Variants in UBR3 observed in about 807,000 individuals in gnomAD.
The protein encoded by UBR3 is ubiquitin protein ligase E3 component n-recognin 3.
UBR3 carries 85 observed loss-of-function variants against 243.2 expected under a neutral mutation model. That is an observed-to-expected ratio of 0.35 (90% CI 0.29 to 0.42). The LOEUF (loss-of-function observed/expected upper bound fraction) is 0.42, where lower values mean the gene tolerates loss of function less well. Ranked by LOEUF, UBR3 falls within the 10% of genes least tolerant of loss-of-function variation. UBR3 has a pLI of 1.00. For synonymous variants in UBR3, 748 were observed against 799.8 expected (o/e 0.94, Z 1.09); for missense variants, 1,686 against 2,300.8 (o/e 0.73, Z 5.47).
intron 38 of UBR3, 48 bp downstream of exon 38, chr2:170,080,732 G>A: frequency 1.9e-6 from 3 of 1,579,574 alleles, no homozygotes; most frequent in Non-Finnish European, 2.6e-6. Flanking sequence ...AATTTGGTCA[G>A]TGAAAACCAA....
intron 1 of UBR3, among the ~76,000 whole-genome samples, chr2:169,856,321 C>T (rs1235597538): frequency 1.3e-5 from 2 of 148,918 alleles, no homozygotes; most frequent in South Asian, 2.2e-4. Flanking sequence ...GGATGATGGC[C>T]GGGAAGAGGC....
chr2:169,889,914 A>T (rs1405289312), intron 5 of UBR3, among the ~76,000 whole-genome samples: 1 of 152,226 alleles, frequency 6.6e-6, no homozygotes, highest in Non-Finnish European at 1.5e-5. Flanking sequence ...TGGAATTTAT[A>T]CTACAGTTCT....
chr2:169,860,406 T>C (rs894476425), intron 1 of UBR3, among the ~76,000 whole-genome samples: 4 of 152,188 alleles, frequency 2.6e-5, no homozygotes, highest in Admixed American at 2.6e-4. Flanking sequence ...TAGTCTCAAG[T>C]GAATTTATCT....
In UBR3 at chr2:169,926,609, CAAAA is replaced by C. The variant is rs1344570845; in HGVS notation, c.2152-78_2152-75del. ...AAAACAAAAAACAAAAAACAAAAAA[CAAAA>C]AAAAGTATAGAAAAACATGATTAAT... On this transcript the variant is annotated intron_variant, in intron 14 of 38. Coordinates refer to ENST00000272793, the MANE Select transcript of UBR3 (RefSeq NM_172070.4). 9 of 898,458 alleles carry C rather than the reference CAAAA, an allele frequency of 1.0e-5. No individual in the cohort carries two copies. The East Asian group carries it at 2.7e-4, about 27-fold the overall frequency. The allele number at this position is 898,458 out of a possible 1,614,324, so 55.7% of individuals were successfully genotyped here.
intron 27 of UBR3, among the ~76,000 whole-genome samples, chr2:170,004,564 G>A (rs1295179029): frequency 6.6e-6 from 1 of 152,118 alleles, no homozygotes; most frequent in Non-Finnish European, 1.5e-5. Flanking sequence ...TAGAGTAAAG[G>A]GGGCAGGGGT....
chr2:169,918,191 A>G (rs995963844), intron 11 of UBR3, among the ~76,000 whole-genome samples: 1 of 152,186 alleles, frequency 6.6e-6, no homozygotes, highest in Non-Finnish European at 1.5e-5. Context: ...GGTTGTTGGC[A>G]GTGGAAAGAG....
At chr2:169,866,043 C>T (rs1437064953) in intron 1 of UBR3, among the ~76,000 whole-genome samples, 3 of 146,652 alleles carry the variant, frequency 2.0e-5, no homozygotes, top group Non-Finnish European at 3.0e-5. Flanking sequence ...CCCAGCTACT[C>T]GGGAGGTTGA....
At chr2:169,956,219 TC>T (rs2087284314) in intron 23 of UBR3, among the ~76,000 whole-genome samples, 2 of 151,774 alleles carry the variant, frequency 1.3e-5, no homozygotes, top group African/African-American at 2.4e-5. Context: ...TCTCTCTCTC[TC>T]TCTCTATCTG....
intron 10 of UBR3, among the ~76,000 whole-genome samples, chr2:169,909,321 T>G (rs73013703): frequency 6.6e-6 from 1 of 152,146 alleles, no homozygotes; most frequent in Non-Finnish European, 1.5e-5. Flanking sequence ...TAAAAGATCA[T>G]TCTGTTCCTG....
chr2:169,901,985 A>G (rs1014562155), intron 8 of UBR3, among the ~76,000 whole-genome samples: 6 of 152,150 alleles, frequency 3.9e-5, no homozygotes, highest in Admixed American at 6.5e-5. Flanking sequence ...AAACACCTCA[A>G]ACACACAGTG....
At chr2:169,830,559 AGGGCTCTG>A (rs2081899809) in intron 1 of UBR3, among the ~76,000 whole-genome samples, 1 of 152,198 alleles carries the variant, frequency 6.6e-6, no homozygotes, top group African/African-American at 2.4e-5. Flanking sequence ...TGCTGGCTCC[AGGGCTCTG>A]GAGCCAGACT....
intron 19 of UBR3, among the ~76,000 whole-genome samples, chr2:169,942,126 C>T (rs2086615430): frequency 6.6e-6 from 1 of 152,180 alleles, no homozygotes; most frequent in Non-Finnish European, 1.5e-5. Context: ...TTTTATCCAG[C>T]TTTTCCAACC....
At chr2:169,903,930 T>C (rs2084921208) in intron 8 of UBR3, among the ~76,000 whole-genome samples, 1 of 152,166 alleles carries the variant, frequency 6.6e-6, no homozygotes, top group African/African-American at 2.4e-5. Flanking sequence ...TCTCCAGGCT[T>C]TTAACTTTGG....
chr2:170,060,314 C>G (rs2091431954), intron 33 of UBR3, among the ~76,000 whole-genome samples: 1 of 151,860 alleles, frequency 6.6e-6, no homozygotes, highest in African/African-American at 2.4e-5. Context: ...TCATAAAAAG[C>G]CATTATTTTT....
At chr2:169,875,508 A>C (rs2083574588) in intron 2 of UBR3, among the ~76,000 whole-genome samples, 1 of 152,034 alleles carries the variant, frequency 6.6e-6, no homozygotes, top group South Asian at 2.1e-4. Context: ...TTTTGTATTT[A>C]AATGCTTCTT....
intron 13 of UBR3, 137 bp from the exon 14 acceptor site, chr2:169,925,482 T>A: frequency 2.6e-6 from 2 of 755,632 alleles, no homozygotes; most frequent in Non-Finnish European, 3.8e-6. Flanking sequence ...ATATTTCAAC[T>A]GATTATCTTT....
intron 23 of UBR3, among the ~76,000 whole-genome samples, chr2:169,952,718 A>T (rs2087095000): frequency 2.6e-5 from 4 of 152,102 alleles, no homozygotes; most frequent in Admixed American, 2.6e-4. Context: ...GTTATAAAAA[A>T]TTTATATTAA....
At chr2:169,866,928 C>G (rs2083284655) in intron 1 of UBR3, among the ~76,000 whole-genome samples, 1 of 152,150 alleles carries the variant, frequency 6.6e-6, no homozygotes, top group Admixed American at 6.5e-5. Flanking sequence ...TGTGAACATG[C>G]TAACTTTTAT....
At chr2:170,016,401 C>A (rs953548840) in intron 30 of UBR3, among the ~76,000 whole-genome samples, 2 of 151,370 alleles carry the variant, frequency 1.3e-5, no homozygotes, top group Non-Finnish European at 3.0e-5. Context: ...ATTTTTTAAC[C>A]GAGTATTAGT....
Sources: gnomAD v4.1 joint callset for allele counts (sites outside exome capture counted in the v4.1 genomes callset) on GRCh38, gnomAD v4.1.1 for gene constraint, MANE v1.5 for transcripts, NCBI Gene and HGNC (gene_info 2026-07-23, HGNC 2026-07-21) for gene names.